ZNF292: variants seen among roughly 807,000 people sequenced by gnomAD.
The protein encoded by ZNF292 is zinc finger protein 292.
ZNF292 carries 26 observed loss-of-function variants against 217.9 expected under a neutral mutation model. The ratio of observed to expected loss-of-function variants is 0.12; its 90% confidence interval spans 0.09 to 0.17. The LOEUF (loss-of-function observed/expected upper bound fraction) is 0.17, where lower values mean the gene tolerates loss of function less well. Among genes scored for constraint, ZNF292 ranks in the 10% least tolerant of loss-of-function variants. ZNF292 has a pLI of 1.00. For synonymous variants in ZNF292, 1,257 were observed against 1,124.1 expected, an observed-to-expected ratio of 1.12 and a Z score of -2.37; for missense variants, 2,904 against 3,175.2, an observed-to-expected ratio of 0.91 and a Z score of 2.05.
intron 7 of ZNF292, among the ~76,000 whole-genome samples, chr6:87,248,876 A>G (rs191342862): frequency 1.2e-4 from 19 of 152,342 alleles, no homozygotes; most frequent in African/African-American, 3.8e-4. Context: ...GATGGGGTGC[A>G]AAATACTGGA....
rs1187877631 is a variant in ZNF292 at position 87,258,663 on chromosome 6, A to C, written c.5034A>C (p.Glu1678Asp). Residue 1678 changes from glutamate (E) to aspartate (D), a missense_variant, in exon 8 of 8, where the codon GAA becomes GAC. Glu to Asp is a conservative substitution (Grantham distance 45). Around this residue, in one of 15 missense-constraint regions of ZNF292, gnomAD observed 622 missense variants for 573.1 expected, o/e 1.09. Coordinates refer to ENST00000369577, the MANE Select transcript of ZNF292 (RefSeq NM_015021.3). The stretch of plus-strand genomic sequence containing the variant: ...ATTCAAATGTAATTCCAACTTGTGA[A>C]CCTCAGAGTTTGGTGGAAAATCTAA... ...NLHSNVIPTC[E>D]PQSLVENLTQ... is the part of the protein sequence containing the mutation. 1 of 1,613,396 alleles carries C rather than the reference A, an allele frequency of 6.2e-7. No homozygotes were observed. The highest frequency in any genetic ancestry group is 1.3e-5 in the African/African-American group (1 of 74,914).
chr6:87,184,241 TG>T (rs1437396471), intron 1 of ZNF292, among the ~76,000 whole-genome samples: 1 of 152,248 alleles, frequency 6.6e-6, no homozygotes, highest in Non-Finnish European at 1.5e-5. Flanking sequence ...TTGAATAATT[TG>T]GCATGGGAGA....
At chr6:87,230,786 A>G (rs1282176547) in intron 4 of ZNF292, among the ~76,000 whole-genome samples, 1 of 152,062 alleles carries the variant, frequency 6.6e-6, no homozygotes, top group African/African-American at 2.4e-5. Context: ...TACATTTTTA[A>G]TCAAATTGGC....
Position 87,258,310 on chromosome 6 carries a change from A to T in ZNF292, c.4681A>T (p.Ile1561Phe). The change falls in exon 8 of 8, where the codon ATT becomes TTT. Residue 1561 changes from isoleucine (I) to phenylalanine (F), a missense_variant. Ile to Phe is a conservative substitution (Grantham distance 21, BLOSUM62 0). Coordinates refer to ENST00000369577, the MANE Select transcript of ZNF292 (RefSeq NM_015021.3). ...GACGTCAAACTCCAAAACTTCCTCC[A>T]TTGAGGAATGTAGCAGCTTGCCTGT... ...NRTSNSKTSS[I>F]EECSSLPVFP... The T allele has an allele frequency of 6.2e-7, 1 of 1,613,524 alleles. No homozygotes were observed. Among genetic ancestry groups the T allele is most frequent in the East Asian group, 2.2e-5 (1 of 44,864 alleles).
chr6:87,259,212 A>T lies in ZNF292; in HGVS notation c.5583A>T (p.Val1861=). 1 of 1,613,730 alleles carries T rather than the reference A, an allele frequency of 6.2e-7. No individual in the cohort carries two copies. ...TATCCACTCCAGCATCCCAATGTGT[A>T]CTGATAAATACATCAGTGACACTGA... ...NDLSTPASQC[V]LINTSVTLTP... The change falls in exon 8 of 8, where the codon GTA becomes GTT. Residue 1861 remains valine, a synonymous_variant. Transcript: ENST00000369577.
chr6:87,222,511 A>G (rs962892103), intron 4 of ZNF292, among the ~76,000 whole-genome samples: 2 of 151,832 alleles, frequency 1.3e-5, no homozygotes, highest in Non-Finnish European at 1.5e-5. Context: ...CTTTTATGTA[A>G]GATTATTCAA....
At chr6:87,158,121 G>T (rs79864818) in intron 1 of ZNF292, among the ~76,000 whole-genome samples, 436 of 152,252 alleles carry the variant, frequency 2.9e-3, no homozygotes, top group Non-Finnish European at 5.4e-3. Context: ...TGTTATTGAT[G>T]CTACTGACAA....
In ZNF292 at chr6:87,258,135, A is replaced by T; in HGVS notation, c.4506A>T (p.Thr1502=). 2 of 1,612,374 alleles carry T rather than the reference A, an allele frequency of 1.2e-6. No homozygotes were observed. Among genetic ancestry groups the T allele is most frequent in the Non-Finnish European group, 1.7e-6 (2 of 1,179,256 alleles). ...QALETAGIPS[T]FEGAEMLSHV... ...TGGAAACTGCTGGCATTCCCAGTAC[A>T]TTTGAGGGTGCCGAAATGCTTTCTC... Residue 1502 remains threonine, a synonymous_variant, in exon 8 of 8, where the codon ACA becomes ACT. Coordinates refer to ENST00000369577, the MANE Select transcript of ZNF292 (RefSeq NM_015021.3).
chr6:87,204,481 T>C (rs1772183635), intron 1 of ZNF292, among the ~76,000 whole-genome samples: 1 of 151,886 alleles, frequency 6.6e-6, no homozygotes, highest in Non-Finnish European at 1.5e-5. Flanking sequence ...AACTTTTCTG[T>C]AACTTTGTGA....
At position 87,257,153 on chromosome 6, in the gene ZNF292, A is replaced by G. The variant is rs371800584; in HGVS notation, c.3524A>G (p.Asn1175Ser). 28 of 1,613,808 alleles carry G rather than the reference A, an allele frequency of 1.7e-5. No individual in the cohort carries two copies. The highest frequency in any genetic ancestry group is 9.9e-5 in the South Asian group (9 of 91,078). ...NPFFTSQTKA[N>S]GNPACSAQLQ... Reference sequence around the variant, plus strand: ...TTTTTTACATCACAGACCAAAGCCAATGGGAATCCTGCTTGTTCGGCCCAG... The same window carrying G: ...TTTTTTACATCACAGACCAAAGCCAGTGGGAATCCTGCTTGTTCGGCCCAG... Residue 1175 changes from asparagine (N) to serine (S), a missense_variant, in exon 8 of 8, where the codon AAT (asparagine) becomes AGT (serine). Transcript: ENST00000369577.
intron 1 of ZNF292, chr6:87,170,306 A>G (rs1355493731): frequency 6.6e-6 from 1 of 152,150 alleles, no homozygotes; most frequent in Non-Finnish European, 1.5e-5. Flanking sequence ...TTGCCTCCCT[A>G]AAATAGGATA....
At chr6:87,183,661 A>G (rs1427398072) in intron 1 of ZNF292, among the ~76,000 whole-genome samples, 1 of 152,240 alleles carries the variant, frequency 6.6e-6, no homozygotes, top group African/African-American at 2.4e-5. Context: ...ACCACTTTAC[A>G]CCATAAAATA....
intron 1 of ZNF292, among the ~76,000 whole-genome samples, chr6:87,179,628 T>A (rs1310855370): frequency 6.6e-6 from 1 of 152,300 alleles, no homozygotes; most frequent in East Asian, 1.9e-4. Flanking sequence ...TGTATAAATA[T>A]ATATACTATT....
chr6:87,158,192 A>G (rs1770609187), intron 1 of ZNF292, among the ~76,000 whole-genome samples: 1 of 152,232 alleles, frequency 6.6e-6, no homozygotes, highest in African/African-American at 2.4e-5. Flanking sequence ...ATTATAAAAT[A>G]TTTCATACAC....
intron 4 of ZNF292, among the ~76,000 whole-genome samples, chr6:87,221,753 T>C (rs1300625057): frequency 6.6e-6 from 1 of 152,194 alleles, no homozygotes; most frequent in Non-Finnish European, 1.5e-5. Context: ...ACAATCGTGA[T>C]TCCTCTTTTT....
Position 87,259,894 on chromosome 6 carries a change from A to G in ZNF292, c.6265A>G (p.Lys2089Glu), listed in dbSNP as rs201626407. 2 of 1,613,430 alleles carry G rather than the reference A, an allele frequency of 1.2e-6. No homozygotes were observed. Among genetic ancestry groups the G allele is most frequent in the Non-Finnish European group, 1.7e-6 (2 of 1,179,604 alleles). Reference protein sequence around the residue: ...GRKIRRHKKEKEEKKRKKPVS... With the variant: ...GRKIRRHKKEEEEKKRKKPVS... ...GAAGATTAGGAGGCATAAAAAAGAA[A>G]AGGAGGAGAAAAAACGAAAGAAGCC... The change falls in exon 8 of 8, where the codon AAG (lysine) becomes GAG (glutamate). Residue 2089 changes from lysine (K) to glutamate (E), a missense_variant. Lys to Glu is a moderately conservative substitution (Grantham distance 56, BLOSUM62 1). Around this residue, in one of 15 missense-constraint regions of ZNF292, gnomAD observed 261 missense variants for 272.8 expected, o/e 0.96. Transcript: ENST00000369577.
chr6:87,233,456 A>C lies in ZNF292; in HGVS notation c.670A>C (p.Lys224Gln). 6.2e-7 allele frequency: 1 copy of C among 1,613,602 alleles called. No homozygotes were observed. The highest frequency in any genetic ancestry group is 1.3e-5 in the African/African-American group (1 of 75,050). The change falls in exon 5 of 8, where the codon AAA (lysine) becomes CAA (glutamine). Residue 224 changes from lysine (K) to glutamine (Q), a missense_variant. Lys to Gln is a moderately conservative substitution (Grantham distance 53, BLOSUM62 1). This residue lies in a region of ZNF292 where 313 missense variants were observed against 451.0 expected (regional missense o/e 0.69). Coordinates refer to ENST00000369577, the MANE Select transcript of ZNF292 (RefSeq NM_015021.3). ...LCSDHPEIGI[K>Q]GSFKQTYLVC... ...TTCTGACCATCCAGAGATTGGCATA[A>C]AAGGTAGTTTTAAGCAAACTTACCT...
chr6:87,216,455 T>C (rs1332878615), intron 3 of ZNF292, 78 bp downstream of exon 3: 6 of 1,083,746 alleles, frequency 5.5e-6, no homozygotes, highest in Non-Finnish European at 8.1e-6. Flanking sequence ...ATTATTCAGT[T>C]AAACTTTAAG....
chr6:87,256,148 C>G lies in ZNF292; in HGVS notation c.2519C>G (p.Pro840Arg). 1 of 1,613,796 alleles carries G rather than the reference C, an allele frequency of 6.2e-7. No homozygotes were observed. Among genetic ancestry groups the G allele is most frequent in the Non-Finnish European group, 8.5e-7 (1 of 1,179,828 alleles). The change falls in exon 8 of 8, where the codon CCT becomes CGT. Residue 840 changes from proline (P) to arginine (R), a missense_variant. Physicochemically the swap from Pro to Arg is moderately radical, Grantham distance 103. This residue lies in a region of ZNF292 where 687 missense variants were observed against 623.0 expected (regional missense o/e 1.10). Transcript: ENST00000369577. ...AGTACTCCTCCTGAAAAAGTGCTGC[C>G]TCCTGAAGCCCAACTTAATTCATCT... Reference protein sequence around the residue: ...DHSTPPEKVLPPEAQLNSSGD... With the variant: ...DHSTPPEKVLRPEAQLNSSGD...
Sources: allele counts gnomAD v4.1 joint callset (sites outside exome capture counted in the v4.1 genomes callset), GRCh38; gene constraint gnomAD v4.1.1; regional missense constraint gnomAD v4.1.1; transcripts MANE v1.5; gene names NCBI Gene and HGNC (gene_info 2026-07-23, HGNC 2026-07-21).